Variants in TRPM7 observed in about 807,000 individuals in gnomAD.
The protein encoded by TRPM7 is transient receptor potential cation channel subfamily M member 7, also known as LTRPC ion channel family member 7.
A neutral mutation model predicts 229.7 loss-of-function variants in TRPM7; 134 were observed. That is an observed-to-expected ratio of 0.58 (90% CI 0.51 to 0.67). The LOEUF (loss-of-function observed/expected upper bound fraction) is 0.67. Ranked by LOEUF, TRPM7 falls within the 30% of genes least tolerant of loss-of-function variation. TRPM7 has a pLI of 0.00. For synonymous variants in TRPM7, 699 were observed against 715.2 expected (o/e 0.98, Z 0.36); for missense variants, 1,901 against 2,210.0 (o/e 0.86, Z 2.80).
chr15:50,567,052 AT>A (rs943255792), intron 38 of TRPM7, among the ~76,000 whole-genome samples: 10 of 151,980 alleles, frequency 6.6e-5, no homozygotes, highest in African/African-American at 1.7e-4. Flanking sequence ...AAAAAAAAAA[AT>A]GGACCAATTC....
In TRPM7 at chr15:50,596,228, TAACA is replaced by T. The variant is rs751533158; in HGVS notation, c.3290+23_3290+26del. On this transcript the variant is annotated intron_variant, in intron 23 of 38. Transcript: ENST00000646667. ...TAGAATTGCATATTAAATCATCTTA[TAACA>T]AACAATTGAACAAAATTCTTACTTG... 2.8e-6 allele frequency: 4 copies of T among 1,418,306 alleles called. No individual in the cohort carries two copies. In the South Asian group the frequency reaches 4.6e-5, roughly 16 times the overall value. The allele number at this position is 1,418,306 out of a possible 1,614,324, so 87.9% of individuals were successfully genotyped here.
At chr15:50,572,589 C>T (rs911731763) in intron 36 of TRPM7, among the ~76,000 whole-genome samples, 9 of 152,148 alleles carry the variant, frequency 5.9e-5, no homozygotes, top group African/African-American at 7.2e-5. Context: ...ATATTTGCTT[C>T]GTTGCAGTAG....
At position 50,599,236 on chromosome 15, in the gene TRPM7, G is replaced by A; in HGVS notation, c.3049C>T (p.Pro1017Ser). 1 of 1,612,918 alleles carries A rather than the reference G, an allele frequency of 6.2e-7. No homozygotes were observed. The highest frequency in any genetic ancestry group is 8.5e-7 in the Non-Finnish European group (1 of 1,179,272). The change falls in exon 22 of 39, where the codon CCC (proline) becomes TCC (serine). Residue 1017 changes from proline to serine, a missense_variant. This residue lies in a region of TRPM7 where 89 missense variants were observed against 178.2 expected (regional missense o/e 0.50). Transcript: ENST00000646667. ...MALVLLSFGV[P>S]RKAILYPHEA... ...TGAGGATAAAGTATTGCCTTTCTGG[G>A]AACACCAAAACTAAGTAATACAAGA...
rs148780409 is a variant in TRPM7, at chr15:50,586,599, C to G, written c.4390-111G>C. On this transcript the variant is annotated intron_variant, in intron 27 of 38. Coordinates refer to ENST00000646667, the MANE Select transcript of TRPM7 (RefSeq NM_017672.6). ...TCTATTTAGCTCAATATGCTTTATT[C>G]TACCTGGACACCAATGGGTGTATTA... The G allele has an allele frequency of 1.8e-3, 1,165 of 644,688 alleles. 14 individuals are homozygous for G. In the East Asian group the frequency reaches 0.031, roughly 17 times the overall value. The allele number at this position is 644,688 out of a possible 1,614,324, so 39.9% of individuals were successfully genotyped here.
At chr15:50,628,313 T>C in intron 10 of TRPM7, 64 bp from the exon 11 acceptor site, 1 of 299,612 alleles carries the variant, frequency 3.3e-6, no homozygotes. Flanking sequence ...AGGTGAACAC[T>C]TTTTTTTTTT....
intron 3 of TRPM7, among the ~76,000 whole-genome samples, chr15:50,656,742 A>G (rs976053132): frequency 3.3e-5 from 5 of 151,996 alleles, no homozygotes; most frequent in Admixed American, 3.3e-4. Context: ...CCACCCAGAG[A>G]CCTTCTCTTC....
chr15:50,647,649 G>A lies in TRPM7; in HGVS notation c.321+1038C>T, dbSNP rs143852414. 5.3e-3 allele frequency among the ~76,000 whole-genome samples: 804 copies of A among 152,172 alleles called. 8 individuals are homozygous for A. The highest frequency in any genetic ancestry group is 0.019 in the African/African-American group (773 of 41,538). On this transcript the variant is annotated intron_variant, in intron 4 of 38. Coordinates refer to ENST00000646667, the MANE Select transcript of TRPM7 (RefSeq NM_017672.6). ...AGTCCCAGCTACTCTGGAGGCTGAGGCAGGAGAACTGCTTGAACCCAGGAG... is the reference window on the plus strand; with the variant it reads ...AGTCCCAGCTACTCTGGAGGCTGAGACAGGAGAACTGCTTGAACCCAGGAG...
chr15:50,570,024 C>CA (rs752307362), intron 37 of TRPM7, 31 bp from the exon 38 acceptor site: 133 of 1,575,326 alleles, frequency 8.4e-5, no homozygotes, highest in East Asian at 7.4e-4. Context: ...AAAAAAACAA[C>CA]AAAAAAAAGG....
Position 50,605,163 on chromosome 15 carries a change from CA to C in TRPM7, c.2710-20del, listed in dbSNP as rs762600199. On this transcript the variant is annotated intron_variant, in intron 20 of 38. Coordinates refer to ENST00000646667, the MANE Select transcript of TRPM7 (RefSeq NM_017672.6). ...TAAAGATCTAAAGGTTTAACAACAA[CA>C]AAAAAAAGTGTAATCAGTTTATTCC... 3.2e-5 allele frequency: 50 copies of C among 1,542,346 alleles called. No homozygotes were observed. Among genetic ancestry groups the C allele is most frequent in the South Asian group, 5.1e-5 (4 of 78,838 alleles).
intron 21 of TRPM7, among the ~76,000 whole-genome samples, chr15:50,600,754 A>G (rs1006748770): frequency 2.6e-5 from 4 of 152,266 alleles, no homozygotes; most frequent in African/African-American, 9.6e-5. Flanking sequence ...TAGGGGCTTA[A>G]GATTAGAAAG....
intron 1 of TRPM7, among the ~76,000 whole-genome samples, chr15:50,678,928 C>T (rs528130702): frequency 6.6e-6 from 1 of 152,268 alleles, no homozygotes; most frequent in East Asian, 1.9e-4. Context: ...GGCTGGAGTG[C>T]AATGGCGTGA....
intron 1 of TRPM7, among the ~76,000 whole-genome samples, chr15:50,681,894 T>C (rs2062246125): frequency 6.6e-6 from 1 of 152,030 alleles, no homozygotes; most frequent in South Asian, 2.1e-4. Context: ...ACAGTGATGC[T>C]CATAAAAGAC....
At chr15:50,620,047 T>C (rs75345554) in intron 12 of TRPM7, among the ~76,000 whole-genome samples, 3,751 of 152,326 alleles carry the variant, frequency 0.025, 148 homozygotes, top group African/African-American at 0.087. Flanking sequence ...TTTACAATTG[T>C]ATCTTAAATT....
intron 6 of TRPM7, among the ~76,000 whole-genome samples, chr15:50,638,452 G>A (rs147627719): frequency 0.014 from 2,055 of 148,526 alleles, 46 homozygotes; most frequent in African/African-American, 0.049. Context: ...AGGAGGCTGA[G>A]GCAGGAGAAT....
At position 50,574,427 on chromosome 15, in the gene TRPM7, C is replaced by G; in HGVS notation, c.5155G>C (p.Val1719Leu). 1 of 1,613,946 alleles carries G rather than the reference C, an allele frequency of 6.2e-7. No individual in the cohort carries two copies. The highest frequency in any genetic ancestry group is 1.7e-5 in the Admixed American group (1 of 60,020). Residue 1719 changes from valine (V) to leucine (L), a missense_variant, in exon 36 of 39, where the codon GTG (valine) becomes CTG (leucine). Coordinates refer to ENST00000646667, the MANE Select transcript of TRPM7 (RefSeq NM_017672.6). ...YCHSAGQWFAVEECMTGEFRK... is the reference protein window; with the variant it reads ...YCHSAGQWFALEECMTGEFRK... Reference sequence around the variant, plus strand: ...AATTCTCCAGTCATACATTCTTCCACAGCAAACCACTGTCCTGCTGAATGG... The same window carrying G: ...AATTCTCCAGTCATACATTCTTCCAGAGCAAACCACTGTCCTGCTGAATGG...
Position 50,574,658 on chromosome 15 carries a change from T to C in TRPM7, c.5081A>G (p.Lys1694Arg), listed in dbSNP as rs993865351. 2 of 1,613,630 alleles carry C rather than the reference T, an allele frequency of 1.2e-6. No individual in the cohort carries two copies. Among genetic ancestry groups the C allele is most frequent in the Non-Finnish European group, 1.7e-6 (2 of 1,179,834 alleles). Reference sequence around the variant, plus strand: ...TTACCTTGGAGAATATGGTATGGATTTGGGTTTCATTTGATTAAAGGCAAA... The same window carrying C: ...TTACCTTGGAGAATATGGTATGGATCTGGGTTTCATTTGATTAAAGGCAAA... ...LTFAFNQMKP[K>R]SIPYSPRFLE... The change falls in exon 35 of 39, where the codon AAA becomes AGA. Residue 1694 changes from lysine (K) to arginine (R), a missense_variant. Physicochemically the swap from Lys to Arg is conservative, Grantham distance 26 (BLOSUM62 2). This residue lies in a region of TRPM7 where 257 missense variants were observed against 352.0 expected (regional missense o/e 0.73). Coordinates refer to ENST00000646667, the MANE Select transcript of TRPM7 (RefSeq NM_017672.6).
chr15:50,583,584 T>TG (rs56278507), intron 28 of TRPM7, among the ~76,000 whole-genome samples: 5 of 102,878 alleles, frequency 4.9e-5, no homozygotes, highest in African/African-American at 8.0e-5. Flanking sequence ...AGTTTTGTTT[T>TG]TTTTTTTTTG....
At chr15:50,684,882 A>G (rs1443138858) in intron 1 of TRPM7, among the ~76,000 whole-genome samples, 1 of 152,218 alleles carries the variant, frequency 6.6e-6, no homozygotes, top group African/African-American at 2.4e-5. Context: ...TAACAAATCA[A>G]CTGACTAAAA....
chr15:50,592,590 T>C lies in TRPM7; in HGVS notation c.3645A>G (p.Gly1215=), dbSNP rs751004343. The change falls in exon 26 of 39, where the codon GGA becomes GGG. Residue 1215 remains glycine (G), a synonymous_variant. Coordinates refer to ENST00000646667, the MANE Select transcript of TRPM7 (RefSeq NM_017672.6). ...EQMCIQIKEV[G]DRVNYIKRSL... ...ATCTTTTTATGTAGTTGACACGATC[T>C]CCAACTTCTTTAATCTGAATGCACA... is the stretch of plus-strand genomic sequence containing the variant. The C allele has an allele frequency of 4.4e-6, 7 of 1,603,372 alleles. No individual in the cohort carries two copies. The Admixed American group carries it at 1.2e-4, about 27-fold the overall frequency.
Sources: allele counts gnomAD v4.1 joint callset (sites outside exome capture counted in the v4.1 genomes callset), GRCh38; gene constraint gnomAD v4.1.1; regional missense constraint gnomAD v4.1.1; transcripts MANE v1.5; gene names NCBI Gene and HGNC (gene_info 2026-07-23, HGNC 2026-07-21).